SLC24A3: variants seen among roughly 807,000 people sequenced by gnomAD.
SLC24A3 encodes the protein solute carrier family 24 member 3.
Under a neutral mutation model 75.8 loss-of-function variants are expected in SLC24A3, and 28 were observed. That is an observed-to-expected ratio of 0.37 (90% CI 0.27 to 0.51). SLC24A3 has a LOEUF of 0.51. SLC24A3 is among the 20% of genes least tolerant of loss of function. The pLI is 0.94. For missense variants in SLC24A3, 663 were observed against 847.8 expected (o/e 0.78, Z 2.71); for synonymous variants, 372 against 334.1 (o/e 1.11, Z -1.24).
chr20:19,545,033 T>G (rs1363992487), intron 3 of SLC24A3, among the ~76,000 whole-genome samples: 2 of 152,246 alleles, frequency 1.3e-5, no homozygotes, highest in Admixed American at 1.3e-4. Context: ...TTCATAATTT[T>G]TTTAAAGATT....
intron 1 of SLC24A3, among the ~76,000 whole-genome samples, chr20:19,230,653 CATATTGATGGGGGG>C (rs1981994329): frequency 1.4e-5 from 1 of 71,128 alleles, no homozygotes; most frequent in Non-Finnish European, 3.0e-5. Flanking sequence ...TATAGAAAGA[CATATTGATGGGGGG>C]GGTGCCCTTT....
chr20:19,375,097 G>C (rs1316085878), intron 2 of SLC24A3, among the ~76,000 whole-genome samples: 4 of 152,070 alleles, frequency 2.6e-5, no homozygotes, highest in African/African-American at 9.7e-5. Flanking sequence ...TCACTCCCCA[G>C]CTGGCCCTGC....
At chr20:19,492,130 A>T (rs1477272015) in intron 2 of SLC24A3, among the ~76,000 whole-genome samples, 2 of 152,170 alleles carry the variant, frequency 1.3e-5, no homozygotes, top group African/African-American at 4.8e-5. Context: ...CTACCTTTTG[A>T]TAGGAAACTT....
chr20:19,679,188 G>A (rs879844927), intron 9 of SLC24A3, among the ~76,000 whole-genome samples: 8 of 152,014 alleles, frequency 5.3e-5, no homozygotes, highest in African/African-American at 2.4e-5. Context: ...CCGAGATCAC[G>A]CCACTGCACT....
chr20:19,420,488 C>T (rs1336408737), intron 2 of SLC24A3, among the ~76,000 whole-genome samples: 1 of 147,986 alleles, frequency 6.8e-6, no homozygotes, highest in African/African-American at 2.5e-5. Flanking sequence ...TCTCCAGCAC[C>T]TGTTGTTTCC....
chr20:19,696,468 G>A (rs982563910), intron 13 of SLC24A3: 4 of 221,640 alleles, frequency 1.8e-5, no homozygotes, highest in East Asian at 9.4e-5. Flanking sequence ...AGGGCCACCC[G>A]TAGTTCAAAT....
intron 3 of SLC24A3, among the ~76,000 whole-genome samples, chr20:19,554,827 A>C (rs1416325059): frequency 6.6e-6 from 1 of 152,222 alleles, no homozygotes; most frequent in African/African-American, 2.4e-5. Context: ...AAAGAGGAGC[A>C]GAAAGCTCAG....
chr20:19,584,860 G>A (rs1447377317), intron 4 of SLC24A3, 111 bp from the exon 5 acceptor site: 68 of 917,020 alleles, frequency 7.4e-5, no homozygotes, highest in Non-Finnish European at 1.0e-4. Context: ...TCCTACTCTC[G>A]CTGAAGCCCC....
intron 2 of SLC24A3, among the ~76,000 whole-genome samples, chr20:19,458,104 T>C (rs1987609677): frequency 6.6e-6 from 1 of 152,154 alleles, no homozygotes; most frequent in Non-Finnish European, 1.5e-5. Flanking sequence ...CTTTGTAAGT[T>C]GGAAGTTCTG....
intron 3 of SLC24A3, among the ~76,000 whole-genome samples, chr20:19,548,425 T>C (rs2030637792): frequency 6.6e-6 from 1 of 152,256 alleles, no homozygotes; most frequent in Non-Finnish European, 1.5e-5. Context: ...AATAGGTCTG[T>C]GCACTAGTAT....
rs547305858 is a variant in SLC24A3 at position 19,325,744 on chromosome 20, G to A, written c.271+44657G>A. Among the ~76,000 whole-genome samples, 17 of 131,988 alleles carry A rather than the reference G, an allele frequency of 1.3e-4. 1 individual carries two copies. Among genetic ancestry groups the A allele is most frequent in the Non-Finnish European group, 2.2e-4 (14 of 64,838 alleles). 86.6% of individuals were successfully genotyped at this position (131,988 alleles called of 152,430 possible). On this transcript the variant is annotated intron_variant, in intron 2 of 16. Transcript: ENST00000328041. ...TGCATATATATATATGTGTGTGTGTGTGTGTGTGTATACATACATACATAT... is the reference window on the plus strand; with the variant it reads ...TGCATATATATATATGTGTGTGTGTATGTGTGTGTATACATACATACATAT...
intron 2 of SLC24A3, among the ~76,000 whole-genome samples, chr20:19,399,369 C>A (rs1029019329): frequency 1.3e-5 from 2 of 152,058 alleles, no homozygotes; most frequent in Admixed American, 1.3e-4. Context: ...AACCTTTCTT[C>A]TTTTTCAATA....
At chr20:19,633,614 A>C (rs370721826) in intron 6 of SLC24A3, among the ~76,000 whole-genome samples, 1 of 134,056 alleles carries the variant, frequency 7.5e-6, no homozygotes, top group Middle Eastern at 4.2e-3. Flanking sequence ...CCGCCACTGC[A>C]CTCCAGCCTG....
intron 6 of SLC24A3, among the ~76,000 whole-genome samples, chr20:19,595,937 G>T (rs117838358): frequency 0.014 from 2,074 of 152,254 alleles, 28 homozygotes; most frequent in Middle Eastern, 0.044. Context: ...AAGAGTAAAT[G>T]TTCATACAGA....
intron 3 of SLC24A3, among the ~76,000 whole-genome samples, chr20:19,541,364 C>T (rs73900404): frequency 9.3e-4 from 142 of 152,360 alleles, no homozygotes; most frequent in African/African-American, 3.3e-3. Context: ...GCTTCCTTCT[C>T]TTCTCTTTTT....
At chr20:19,253,078 C>G (rs1416477751) in intron 1 of SLC24A3, among the ~76,000 whole-genome samples, 2 of 152,164 alleles carry the variant, frequency 1.3e-5, no homozygotes, top group Non-Finnish European at 2.9e-5. Flanking sequence ...CTAAGTGCCC[C>G]CAGGCAACAG....
chr20:19,585,600 C>A, intron 6 of SLC24A3, 56 bp downstream of exon 6: 1 of 1,531,586 alleles, frequency 6.5e-7, no homozygotes, highest in Non-Finnish European at 9.0e-7. Context: ...AAAGGGGAGG[C>A]ATGGAGTTTA....
rs115162892 is a variant in SLC24A3 at position 19,689,813 on chromosome 20, C to T, written c.1325-3446C>T. 5.4e-3 allele frequency among the ~76,000 whole-genome samples: 816 copies of T among 152,114 alleles called. 9 individuals carry two copies. The highest frequency in any genetic ancestry group is 0.019 in the African/African-American group (781 of 41,492). On this transcript the variant is annotated intron_variant, in intron 12 of 16. Transcript: ENST00000328041. Reference sequence around the variant, plus strand: ...GATGCAAAGGGAGGATGCGGATCACCTGAGTTCAGGAGTTGGAGACCAGCC... The same window carrying T: ...GATGCAAAGGGAGGATGCGGATCACTTGAGTTCAGGAGTTGGAGACCAGCC...
intron 6 of SLC24A3, among the ~76,000 whole-genome samples, chr20:19,597,544 C>A (rs2031467224): frequency 6.6e-6 from 1 of 152,132 alleles, no homozygotes; most frequent in Non-Finnish European, 1.5e-5. Context: ...TCTGTCACCT[C>A]CAGTATTTAT....
Sources: allele counts gnomAD v4.1 joint callset (sites outside exome capture counted in the v4.1 genomes callset), GRCh38; gene constraint gnomAD v4.1.1; transcripts MANE v1.5; gene names NCBI Gene and HGNC (gene_info 2026-07-23, HGNC 2026-07-21).